The following PLCE1 variants were observed in gnomAD, a reference collection of about 807,000 sequenced individuals.
PLCE1 encodes phospholipase C epsilon 1, also known as 1-phosphatidylinositol 4,5-bisphosphate phosphodiesterase epsilon-1.
Under a neutral mutation model 242.8 loss-of-function variants are expected in PLCE1, and 119 were observed. That is an observed-to-expected ratio of 0.49 (90% CI 0.42 to 0.57). PLCE1 has a LOEUF of 0.57. Among genes scored for constraint, PLCE1 ranks in the 20% least tolerant of loss-of-function variants. The probability of loss-of-function intolerance (pLI) is 0.00; values close to 1 mark genes in which losing one functional copy is unlikely to be tolerated. For missense variants in PLCE1, 2,441 were observed against 2,788.8 expected, an observed-to-expected ratio of 0.88 and a Z score of 2.81; for synonymous variants, 945 against 1,017.4, an observed-to-expected ratio of 0.93 and a Z score of 1.35.
chr10:94,276,004 T>A (rs2133202420), intron 19 of PLCE1, among the ~76,000 whole-genome samples: 1 of 152,342 alleles, frequency 6.6e-6, no homozygotes, highest in African/African-American at 2.4e-5. Context: ...TTTATCTCTA[T>A]TTCTGCTCTT....
chr10:94,043,138 A>C (rs745849083), intron 2 of PLCE1, among the ~76,000 whole-genome samples: 3 of 152,206 alleles, frequency 2.0e-5, no homozygotes, highest in Non-Finnish European at 2.9e-5. Flanking sequence ...ACCTCCCTGC[A>C]AGTATAACTT....
chr10:94,029,467 G>A (rs1564633262), intron 1 of PLCE1, among the ~76,000 whole-genome samples: 1 of 152,130 alleles, frequency 6.6e-6, no homozygotes, highest in South Asian at 2.1e-4. Flanking sequence ...TGATGCATAG[G>A]GAGTGTTCTG....
chr10:94,292,069 G>C (rs1013060162), intron 22 of PLCE1, among the ~76,000 whole-genome samples: 5 of 152,114 alleles, frequency 3.3e-5, no homozygotes. Flanking sequence ...TTACTTGGGA[G>C]AAAATCCATT....
intron 4 of PLCE1, among the ~76,000 whole-genome samples, chr10:94,190,631 T>C (rs2048630137): frequency 6.6e-6 from 1 of 152,164 alleles, no homozygotes; most frequent in Admixed American, 6.5e-5. Context: ...CAACGAAAGA[T>C]AATGAATCCT....
chr10:94,252,378 G>C lies in PLCE1; in HGVS notation c.3159G>C (p.Arg1053=). The part of the protein sequence containing the change: ...AHAVELFGGR[R]WSARNPSPGT... ...CTGTGGAGTTGTTTGGTGGCAGACG[G>C]TGGAGTGCTCGAAACCCCAGCCCCG... The change falls in exon 9 of 33, where the codon CGG becomes CGC. Residue 1053 remains arginine, a synonymous_variant. Transcript: ENST00000371380. 1 of 1,614,118 alleles carries C rather than the reference G, an allele frequency of 6.2e-7. No homozygotes were observed.
intron 19 of PLCE1, chr10:94,279,540 C>T: frequency 3.7e-6 from 2 of 541,568 alleles, no homozygotes; most frequent in Non-Finnish European, 6.6e-6. Flanking sequence ...CTGGGCACTG[C>T]ACACAGTCTT....
chr10:94,265,794 T>C lies in PLCE1; in HGVS notation c.4117T>C (p.Phe1373Leu). The part of the protein sequence containing the change: ...GLMSFEGFAR[F>L]LMDKENFASK... ...CTTAAGAAAATTTGTTTCACCTAGGTTTCTGATGGATAAAGAAAATTTTGC... is the reference window on the plus strand; with the variant it reads ...CTTAAGAAAATTTGTTTCACCTAGGCTTCTGATGGATAAAGAAAATTTTGC... The change falls in exon 16 of 33, where the codon TTT becomes CTT. Residue 1373 changes from phenylalanine to leucine, a missense_variant and splice_region_variant. Coordinates refer to ENST00000371380, the MANE Select transcript of PLCE1 (RefSeq NM_016341.4). 6.2e-7 allele frequency: 1 copy of C among 1,614,050 alleles called. No homozygotes were observed. The highest frequency in any genetic ancestry group is 8.5e-7 in the Non-Finnish European group (1 of 1,179,980).
intron 1 of PLCE1, among the ~76,000 whole-genome samples, chr10:93,999,190 T>A (rs965426068): frequency 6.6e-6 from 1 of 152,214 alleles, no homozygotes; most frequent in Admixed American, 6.5e-5. Context: ...AATAAGAGAA[T>A]GATAATATAG....
At chr10:94,129,410 T>C (rs990046876) in intron 2 of PLCE1, among the ~76,000 whole-genome samples, 1 of 152,268 alleles carries the variant, frequency 6.6e-6, no homozygotes, top group African/African-American at 2.4e-5. Context: ...TATTCTATTA[T>C]GCAATGTAAA....
At chr10:94,023,134 AG>A (rs1352826710) in intron 1 of PLCE1, among the ~76,000 whole-genome samples, 1 of 152,146 alleles carries the variant, frequency 6.6e-6, no homozygotes, top group Non-Finnish European at 1.5e-5. Context: ...GGTGTCAGGG[AG>A]GGCTGCAGAA....
At chr10:94,017,752 T>C (rs1240789589) in intron 1 of PLCE1, among the ~76,000 whole-genome samples, 1 of 152,206 alleles carries the variant, frequency 6.6e-6, no homozygotes, top group East Asian at 1.9e-4. Flanking sequence ...GGAATCTCTA[T>C]GAGACTGGAG....
chr10:94,304,840 T>G (rs2053148793), intron 25 of PLCE1, among the ~76,000 whole-genome samples, 195 bp downstream of exon 25: 1 of 152,180 alleles, frequency 6.6e-6, no homozygotes, highest in South Asian at 2.1e-4. Context: ...ACACTGTGTT[T>G]GCCAGAGCCC....
chr10:94,207,670 A>G (rs1296477841), intron 4 of PLCE1, among the ~76,000 whole-genome samples: 1 of 152,124 alleles, frequency 6.6e-6, no homozygotes, highest in African/African-American at 2.4e-5. Flanking sequence ...TTCTTTACTA[A>G]AAAGAAACCA....
At chr10:94,301,241 G>A (rs2133572268) in intron 24 of PLCE1, among the ~76,000 whole-genome samples, 1 of 152,098 alleles carries the variant, frequency 6.6e-6, no homozygotes, top group East Asian at 1.9e-4. Flanking sequence ...CTACTCAGGA[G>A]GCTAAGGCAA....
In PLCE1 at chr10:94,324,336, A is replaced by T. The variant is rs376288143; in HGVS notation, c.6502-13A>T. ...CTGTGTCTTTATTCAGTTGATCATA[A>T]CTTACCTTTCAGACCTTATGCAAAG... On this transcript the variant is annotated splice_polypyrimidine_tract_variant and intron_variant, in intron 30 of 32. Transcript: ENST00000371380. The T allele has an allele frequency of 6.3e-7, 1 of 1,599,506 alleles. No individual in the cohort carries two copies. Among genetic ancestry groups the T allele is most frequent in the East Asian group, 2.2e-5 (1 of 44,814 alleles).
rs544912445 is a variant in PLCE1, at chr10:94,093,070, C to T, written c.1207-39104C>T. Among the ~76,000 whole-genome samples, 18 of 152,216 alleles carry T rather than the reference C, an allele frequency of 1.2e-4. No homozygotes were observed. The South Asian group carries it at 2.5e-3, about 21-fold the overall frequency. On this transcript the variant is annotated intron_variant, in intron 2 of 32. Coordinates refer to ENST00000371380, the MANE Select transcript of PLCE1 (RefSeq NM_016341.4). ...GGATAAATCACAGGGACAGGTTGGC[C>T]TTCATCCAAGAGTTCTAAAGGAATT...
At chr10:94,060,481 G>A (rs985072347) in intron 2 of PLCE1, among the ~76,000 whole-genome samples, 3 of 152,110 alleles carry the variant, frequency 2.0e-5, no homozygotes, top group Admixed American at 6.6e-5. Flanking sequence ...GTAAATGTCT[G>A]TTTCTTAGTT....
intron 27 of PLCE1, among the ~76,000 whole-genome samples, chr10:94,312,987 CAT>C (rs2053435683): frequency 1.3e-5 from 2 of 152,172 alleles, no homozygotes; most frequent in South Asian, 4.1e-4. Flanking sequence ...TAAGAACTAA[CAT>C]ACATTTCAGA....
chr10:94,286,893 G>A (rs2052469576), intron 22 of PLCE1: 1 of 152,340 alleles, frequency 6.6e-6, no homozygotes, highest in African/African-American at 2.4e-5. Context: ...ACAAGGATGA[G>A]CGCCACTCTG....
Sources: allele counts gnomAD v4.1 joint callset (sites outside exome capture counted in the v4.1 genomes callset), GRCh38; gene constraint gnomAD v4.1.1; transcripts MANE v1.5; gene names NCBI Gene and HGNC (gene_info 2026-07-23, HGNC 2026-07-21).